SLC25A13: variants seen among roughly 807,000 people sequenced by gnomAD.
SLC25A13 encodes the protein electrogenic aspartate/glutamate antiporter SLC25A13, mitochondrial.
A neutral mutation model predicts 85.5 loss-of-function variants in SLC25A13; 70 were observed. The ratio of observed to expected loss-of-function variants is 0.82; its 90% CI spans 0.68 to 1.00. SLC25A13 has a LOEUF of 1.00. Among genes scored for constraint, SLC25A13 ranks in the 50% least tolerant of loss-of-function variants. SLC25A13 has a pLI of 0.00. For synonymous variants in SLC25A13, 259 were observed against 288.7 expected (o/e 0.90, Z 1.04); for missense variants, 765 against 819.8 (o/e 0.93, Z 0.82).
intron 3 of SLC25A13, among the ~76,000 whole-genome samples, chr7:96,263,830 A>G (rs1797945699): frequency 6.6e-6 from 1 of 151,912 alleles, no homozygotes; most frequent in Admixed American, 6.6e-5. Context: ...CACACTCTAG[A>G]CTTTACTTGC....
chr7:96,321,921 CG>C lies in SLC25A13; in HGVS notation c.15+20del. On this transcript the variant is annotated intron_variant, in intron 1 of 17. Transcript: ENST00000265631. ...GCTGATCCGGCAGGCGCGCTCCCCCCGGCCTCGGGCCCGCGGTTACCTTGGC... is the reference window on the plus strand; with the variant it reads ...GCTGATCCGGCAGGCGCGCTCCCCCCGCCTCGGGCCCGCGGTTACCTTGGC... 1 of 1,529,294 alleles carries C rather than the reference CG, an allele frequency of 6.5e-7. No individual in the cohort carries two copies. The highest frequency in any genetic ancestry group is 2.6e-5 in the East Asian group (1 of 38,134). 94.7% of individuals were successfully genotyped at this position (1,529,294 alleles called of 1,614,324 possible). A position where few individuals can be genotyped will look rare whatever the true frequency, so the allele number is the denominator to read the frequency against.
At chr7:96,207,057 C>A (rs1227962540) in intron 5 of SLC25A13, among the ~76,000 whole-genome samples, 2 of 152,148 alleles carry the variant, frequency 1.3e-5, no homozygotes, top group East Asian at 3.9e-4. Flanking sequence ...GTGGAAACAG[C>A]AGCAAAAATC....
intron 13 of SLC25A13, among the ~76,000 whole-genome samples, chr7:96,149,313 G>A (rs1433351697): frequency 6.6e-6 from 1 of 152,178 alleles, no homozygotes; most frequent in African/African-American, 2.4e-5. Flanking sequence ...ATATCCAAGT[G>A]GTGCTGTTAT....
chr7:96,285,300 C>T (rs1798844522), intron 2 of SLC25A13, among the ~76,000 whole-genome samples: 1 of 152,194 alleles, frequency 6.6e-6, no homozygotes, highest in African/African-American at 2.4e-5. Context: ...TCAAATCTCA[C>T]ACCCATCTCC....
At chr7:96,159,516 A>G (rs1177765622) in intron 13 of SLC25A13, among the ~76,000 whole-genome samples, 1 of 152,142 alleles carries the variant, frequency 6.6e-6, no homozygotes, top group Admixed American at 6.5e-5. Context: ...AAAAGAAGAG[A>G]GGCCTCAGAA....
At chr7:96,200,289 G>A (rs1227025499) in intron 5 of SLC25A13, among the ~76,000 whole-genome samples, 1 of 152,068 alleles carries the variant, frequency 6.6e-6, no homozygotes, top group Non-Finnish European at 1.5e-5. Flanking sequence ...AATGTAGAAA[G>A]ACGATTTGCC....
intron 13 of SLC25A13, among the ~76,000 whole-genome samples, chr7:96,154,908 G>A (rs1465121480): frequency 1.3e-5 from 2 of 150,580 alleles, no homozygotes; most frequent in South Asian, 2.1e-4. Flanking sequence ...AGTGATTCTC[G>A]TGCCTCAGCC....
intron 1 of SLC25A13, among the ~76,000 whole-genome samples, chr7:96,316,627 C>G (rs1800137529): frequency 6.6e-6 from 1 of 152,194 alleles, no homozygotes; most frequent in Admixed American, 6.5e-5. Context: ...TACTTAACCT[C>G]CCCTAACTCA....
Position 96,172,745 on chromosome 7 carries a change from A to G in SLC25A13, c.1178-1221T>C, listed in dbSNP as rs192417361. ...ACCCTGCTTTGAGGCCCGTACCTCAATGAGGACAAGCGCCAGTTTGTATTT... is the reference window on the plus strand; with the variant it reads ...ACCCTGCTTTGAGGCCCGTACCTCAGTGAGGACAAGCGCCAGTTTGTATTT... On this transcript the variant is annotated intron_variant, in intron 11 of 17. Coordinates refer to ENST00000265631, the MANE Select transcript of SLC25A13 (RefSeq NM_014251.3). Among the ~76,000 whole-genome samples the G allele has an allele frequency of 2.4e-3, 362 of 151,826 alleles. 1 individual carries two copies. Among genetic ancestry groups the G allele is most frequent in the South Asian group, 0.018 (88 of 4,796 alleles).
In SLC25A13 at chr7:96,295,410, A is replaced by C. The variant is rs143240120; in HGVS notation, c.69+1488T>G. On this transcript the variant is annotated intron_variant, in intron 2 of 17. Transcript: ENST00000265631. The stretch of plus-strand genomic sequence containing the variant: ...TATACAAAGTAGAGAGAACAGTGTA[A>C]TAAACCCAATATTCCATTTCCCAAT... Among the ~76,000 whole-genome samples, 1,092 of 152,324 alleles carry C rather than the reference A, an allele frequency of 7.2e-3. 7 individuals carry two copies. Among genetic ancestry groups the C allele is most frequent in the Non-Finnish European group, 9.5e-3 (645 of 68,022 alleles).
intron 11 of SLC25A13, among the ~76,000 whole-genome samples, chr7:96,173,437 G>T (rs1049788512): frequency 6.6e-6 from 1 of 152,166 alleles, no homozygotes; most frequent in African/African-American, 2.4e-5. Context: ...CAAAAAATCT[G>T]TATCTTTATA....
At chr7:96,220,145 CTAA>C (rs1296277443) in intron 4 of SLC25A13, among the ~76,000 whole-genome samples, 1 of 152,166 alleles carries the variant, frequency 6.6e-6, no homozygotes, top group Non-Finnish European at 1.5e-5. Context: ...GAGAATACAA[CTAA>C]TGTTTTAAAA....
chr7:96,129,168 G>A (rs1791894960), intron 15 of SLC25A13, among the ~76,000 whole-genome samples: 1 of 152,046 alleles, frequency 6.6e-6, no homozygotes, highest in Non-Finnish European at 1.5e-5. Flanking sequence ...TGATAGACCT[G>A]GTGCCAGAGG....
rs775720301 is a variant in SLC25A13 at position 96,258,085 on chromosome 7, A to G, written c.212+19111T>C. On this transcript the variant is annotated intron_variant, in intron 3 of 17. Transcript: ENST00000265631. ...ACGTATCTCAAAAAGAATAAGAGCTATTTACGACAAACGGACAGCCAATAT... is the reference window on the plus strand; with the variant it reads ...ACGTATCTCAAAAAGAATAAGAGCTGTTTACGACAAACGGACAGCCAATAT... Among the ~76,000 whole-genome samples, 6 of 152,220 alleles carry G rather than the reference A, an allele frequency of 3.9e-5. No individual in the cohort carries two copies. In the South Asian group the frequency reaches 8.3e-4, roughly 21 times the overall value.
intron 1 of SLC25A13, among the ~76,000 whole-genome samples, chr7:96,313,621 G>A (rs1359161468): frequency 1.3e-5 from 2 of 152,010 alleles, no homozygotes; most frequent in Admixed American, 6.6e-5. Context: ...GAGGGAGGAG[G>A]GAGGGGAACA....
intron 15 of SLC25A13, among the ~76,000 whole-genome samples, chr7:96,125,743 T>G (rs1050114191): frequency 6.7e-6 from 1 of 150,006 alleles, no homozygotes; most frequent in Non-Finnish European, 1.5e-5. Flanking sequence ...ACACATTACA[T>G]TCTAGAGGGG....
intron 17 of SLC25A13, 25 bp from the exon 18 acceptor site, chr7:96,121,402 G>A: frequency 6.2e-7 from 1 of 1,613,016 alleles, no homozygotes; most frequent in Non-Finnish European, 8.5e-7. Flanking sequence ...AACAGAGTAA[G>A]AAGCTGTATT....
chr7:96,317,115 A>C (rs1306970029), intron 1 of SLC25A13, among the ~76,000 whole-genome samples: 1 of 152,034 alleles, frequency 6.6e-6, no homozygotes, highest in Non-Finnish European at 1.5e-5. Context: ...AGATTACAAG[A>C]ATGCACCACT....
intron 4 of SLC25A13, among the ~76,000 whole-genome samples, chr7:96,214,043 C>G (rs546676502): frequency 1.7e-4 from 26 of 152,226 alleles, no homozygotes; most frequent in African/African-American, 6.0e-4. Flanking sequence ...AAAGTAAGAC[C>G]TCACCAAATA....
Sources: allele counts gnomAD v4.1 joint callset (sites outside exome capture counted in the v4.1 genomes callset), GRCh38; gene constraint gnomAD v4.1.1; transcripts MANE v1.5; gene names NCBI Gene and HGNC (gene_info 2026-07-23, HGNC 2026-07-21).